HMGA2: variants seen among roughly 807,000 people sequenced by gnomAD.
HMGA2 encodes high mobility group protein HMGI-C.
In HMGA2, 8 loss-of-function variants were observed where a neutral mutation model predicts 19.1. The ratio of observed to expected loss-of-function variants is 0.42; its 90% CI spans 0.25 to 0.76. HMGA2 has a LOEUF of 0.76. Among genes scored for constraint, HMGA2 ranks in the 30% least tolerant of loss-of-function variants. The probability of loss-of-function intolerance (pLI) is 0.28; values close to 1 mark genes in which losing one functional copy is unlikely to be tolerated. For synonymous variants in HMGA2, 60 were observed against 48.8 expected, an observed-to-expected ratio of 1.23 and a Z score of -0.96; for missense variants, 109 against 136.3, an observed-to-expected ratio of 0.80 and a Z score of 1.00.
At chr12:65,886,520 G>A (rs1392391060) in intron 3 of HMGA2, among the ~76,000 whole-genome samples, 3 of 152,010 alleles carry the variant, frequency 2.0e-5, no homozygotes, top group South Asian at 2.1e-4. Flanking sequence ...CCCCATGCCC[G>A]GCTAATATTT....
intron 3 of HMGA2, among the ~76,000 whole-genome samples, chr12:65,847,455 T>C (rs1871278093): frequency 6.6e-6 from 1 of 152,226 alleles, no homozygotes; most frequent in Admixed American, 6.5e-5. Context: ...TTATATACTT[T>C]AATATTTCTG....
intron 3 of HMGA2, among the ~76,000 whole-genome samples, chr12:65,941,100 G>A (rs2009910451): frequency 6.6e-6 from 1 of 152,198 alleles, no homozygotes; most frequent in Non-Finnish European, 1.5e-5. Flanking sequence ...ACGGAATGCT[G>A]AACCCAGAAT....
intron 3 of HMGA2, among the ~76,000 whole-genome samples, chr12:65,941,267 AG>A (rs1876083436): frequency 6.6e-6 from 1 of 152,194 alleles, no homozygotes; most frequent in Non-Finnish European, 1.5e-5. Flanking sequence ...ACAGCTTCTG[AG>A]GAAAGGTCAT....
intron 3 of HMGA2, among the ~76,000 whole-genome samples, chr12:65,936,840 G>A (rs1374867126): frequency 2.0e-5 from 3 of 152,102 alleles, no homozygotes; most frequent in East Asian, 1.9e-4. Context: ...CACAGCTTAC[G>A]CATACCTGGT....
chr12:65,872,571 G>A (rs1292477474), intron 3 of HMGA2, among the ~76,000 whole-genome samples: 1 of 152,086 alleles, frequency 6.6e-6, no homozygotes, highest in Non-Finnish European at 1.5e-5. Flanking sequence ...TTCAACATTT[G>A]CAAAGTTCTG....
At chr12:65,960,302 A>G (rs1876717260) in intron 4 of HMGA2, among the ~76,000 whole-genome samples, 1 of 152,108 alleles carries the variant, frequency 6.6e-6, no homozygotes, top group Non-Finnish European at 1.5e-5. Flanking sequence ...CTTATTCTCC[A>G]TGTCACCTGT....
intron 3 of HMGA2, among the ~76,000 whole-genome samples, chr12:65,863,441 G>A (rs1378765023): frequency 6.6e-6 from 1 of 152,024 alleles, no homozygotes; most frequent in Non-Finnish European, 1.5e-5. Context: ...CAGGGCACAA[G>A]TGCAAGTCCT....
chr12:65,948,895 G>A (rs566521305), intron 3 of HMGA2, among the ~76,000 whole-genome samples: 9 of 152,206 alleles, frequency 5.9e-5, no homozygotes, highest in Non-Finnish European at 1.3e-4. Flanking sequence ...TCACATGAAT[G>A]CGGGAGCCTC....
At chr12:65,861,790 CA>C (rs1872091154) in intron 3 of HMGA2, among the ~76,000 whole-genome samples, 1 of 149,826 alleles carries the variant, frequency 6.7e-6, no homozygotes, top group Admixed American at 6.6e-5. Flanking sequence ...TATGCTTTAA[CA>C]TTTAATATAA....
chr12:65,952,041 C>A, intron 4 of HMGA2: 1 of 256,768 alleles, frequency 3.9e-6, no homozygotes, highest in Admixed American at 4.8e-5. Context: ...ATAATCTGTA[C>A]ATAGAAACAT....
intron 3 of HMGA2, among the ~76,000 whole-genome samples, chr12:65,904,041 C>T (rs1874482286): frequency 6.6e-6 from 1 of 152,234 alleles, no homozygotes; most frequent in Admixed American, 6.5e-5. Flanking sequence ...CGTAGCGATC[C>T]ATGAGCAGTA....
chr12:65,842,842 G>A, intron 3 of HMGA2: 4 of 1,327,352 alleles, frequency 3.0e-6, no homozygotes, highest in South Asian at 2.4e-5. Context: ...GTTTAGTGAT[G>A]GAAAGTATTT....
At chr12:65,854,258 C>T (rs1439834727) in intron 3 of HMGA2, among the ~76,000 whole-genome samples, 1 of 152,190 alleles carries the variant, frequency 6.6e-6, no homozygotes, top group Non-Finnish European at 1.5e-5. Context: ...GATAGCCTTA[C>T]ACATTTATGT....
rs554195334 is a variant in HMGA2 at position 65,904,494 on chromosome 12, AT to A, written c.250-46882del. On this transcript the variant is annotated intron_variant, in intron 3 of 4. Transcript: ENST00000403681. ...TTCCTTAGCAATTGTTCTTTAACTG[AT>A]TTTTTTGCTGCAACTTTACAACTAA... Among the ~76,000 whole-genome samples the A allele has an allele frequency of 2.6e-5, 4 of 152,274 alleles. No homozygotes were observed. The South Asian group carries it at 8.3e-4, about 32-fold the overall frequency.
At chr12:65,870,893 G>A (rs959343869) in intron 3 of HMGA2, among the ~76,000 whole-genome samples, 1 of 152,204 alleles carries the variant, frequency 6.6e-6, no homozygotes, top group African/African-American at 2.4e-5. Flanking sequence ...TACCATGGGT[G>A]AGGGGGTGGA....
At chr12:65,958,536 T>C (rs2121324515) in intron 4 of HMGA2, 1 of 152,308 alleles carries the variant, frequency 6.6e-6, no homozygotes, top group South Asian at 2.1e-4. Context: ...AGCCTTGTGG[T>C]CTTGCCGGTC....
chr12:65,847,825 C>T (rs912278376), intron 3 of HMGA2, among the ~76,000 whole-genome samples: 2 of 152,084 alleles, frequency 1.3e-5, no homozygotes, highest in African/African-American at 4.8e-5. Context: ...ACTAAATGTT[C>T]GGTGAGTAGG....
intron 4 of HMGA2, 58 bp from the exon 5 acceptor site, chr12:65,963,187 G>A (rs781333561): frequency 5.2e-5 from 80 of 1,539,278 alleles, no homozygotes; most frequent in Non-Finnish European, 6.9e-5. Context: ...CTGTTGGCAA[G>A]AGCAGCCCAC....
chr12:65,873,722 T>A (rs1872826749), intron 3 of HMGA2: 1 of 152,234 alleles, frequency 6.6e-6, no homozygotes, highest in Non-Finnish European at 1.5e-5. Context: ...TTTATTATAT[T>A]CATCCTCACA....
Sources: allele counts gnomAD v4.1 joint callset (sites outside exome capture counted in the v4.1 genomes callset), GRCh38; gene constraint gnomAD v4.1.1; transcripts MANE v1.5; gene names NCBI Gene and HGNC (gene_info 2026-07-23, HGNC 2026-07-21).